Variants in RBFOX1 observed in about 807,000 individuals in gnomAD.
The protein encoded by RBFOX1 is RNA binding fox-1 homolog 1.
A neutral mutation model predicts 57.7 loss-of-function variants in RBFOX1; 8 were observed. That is an observed-to-expected ratio of 0.14 (90% CI 0.08 to 0.25). The LOEUF (loss-of-function observed/expected upper bound fraction) is 0.25, where lower values mean the gene tolerates loss of function less well. Among genes scored for constraint, RBFOX1 ranks in the 10% least tolerant of loss-of-function variants. The pLI is 1.00. For synonymous variants in RBFOX1, 326 were observed against 222.4 expected (o/e 1.47, Z -4.15); for missense variants, 611 against 548.5 (o/e 1.11, Z -1.14).
intron 9 of RBFOX1, among the ~76,000 whole-genome samples, chr16:7,600,529 C>T (rs1041496936): frequency 2.0e-5 from 3 of 152,118 alleles, no homozygotes; most frequent in African/African-American, 7.2e-5. Flanking sequence ...CCAATAAAGT[C>T]ACATTGAAAT....
At chr16:6,565,298 C>T (rs1555556984) in intron 2 of RBFOX1, among the ~76,000 whole-genome samples, 1 of 149,842 alleles carries the variant, frequency 6.7e-6, no homozygotes, top group Non-Finnish European at 1.5e-5. Context: ...ACTCTGTTGC[C>T]CAGGCTGGAG....
intron 1 of RBFOX1, among the ~76,000 whole-genome samples, chr16:5,454,898 CTTTCTTTCTTTCTTT>C (rs2068555633): frequency 1.5e-5 from 1 of 66,528 alleles, no homozygotes; most frequent in Non-Finnish European, 3.5e-5. Context: ...TTCTTTCTTT[CTTTCTTTCTTTCTTT>C]CCTTTGTTTC....
chr16:5,856,463 G>C (rs1555547776), intron 3 of RBFOX1, among the ~76,000 whole-genome samples: 1 of 136,878 alleles, frequency 7.3e-6, no homozygotes, highest in Non-Finnish European at 1.6e-5. Context: ...ATGCATTAAT[G>C]AGATCCTCAG....
At chr16:7,510,466 AGT>A (rs749168293) in intron 4 of RBFOX1, among the ~76,000 whole-genome samples, 1 of 146,996 alleles carries the variant, frequency 6.8e-6, no homozygotes. Context: ...TGGTGAAGAG[AGT>A]GTGTGTGTGT....
chr16:6,394,119 C>G (rs562573228), intron 2 of RBFOX1, among the ~76,000 whole-genome samples: 1 of 152,272 alleles, frequency 6.6e-6, no homozygotes, highest in South Asian at 2.1e-4. Flanking sequence ...CACTAGTGTT[C>G]CAAGCTTTGT....
intron 5 of RBFOX1, among the ~76,000 whole-genome samples, chr16:7,537,430 G>C (rs913129306): frequency 6.6e-6 from 1 of 152,220 alleles, no homozygotes; most frequent in South Asian, 2.1e-4. Context: ...GGCGTGGTCA[G>C]TTGATGTGAC....
chr16:6,598,513 A>G (rs1200115552), intron 2 of RBFOX1, among the ~76,000 whole-genome samples: 2 of 152,252 alleles, frequency 1.3e-5, no homozygotes. Flanking sequence ...ACCGATATAT[A>G]CAAAGATGAT....
chr16:7,059,945 A>T lies in RBFOX1; in HGVS notation c.27+7847A>T, dbSNP rs148623612. On this transcript the variant is annotated intron_variant, in intron 4 of 15. Transcript: ENST00000550418. ...TTTGGAAACATTGTATGAAAACACG[A>T]TTCAAAAATTATTTTGCTTAGCTGT... is the stretch of plus-strand genomic sequence containing the variant. 2.1e-3 allele frequency among the ~76,000 whole-genome samples: 323 copies of T among 152,326 alleles called. 4 individuals carry two copies. Among genetic ancestry groups the T allele is most frequent in the South Asian group, 0.011 (52 of 4,832 alleles).
intron 2 of RBFOX1, among the ~76,000 whole-genome samples, chr16:6,337,715 C>G (rs1211456092): frequency 6.6e-6 from 1 of 152,148 alleles, no homozygotes; most frequent in Non-Finnish European, 1.5e-5. Flanking sequence ...CAAAACACAT[C>G]TTTATAAGAC....
intron 4 of RBFOX1, among the ~76,000 whole-genome samples, chr16:7,135,459 A>G (rs1482950515): frequency 3.9e-5 from 6 of 152,350 alleles, no homozygotes; most frequent in Middle Eastern, 3.4e-3. Flanking sequence ...TTACCAAGCT[A>G]CAGCAAATTA....
At chr16:7,369,188 G>A (rs369808145) in intron 4 of RBFOX1, among the ~76,000 whole-genome samples, 1 of 152,014 alleles carries the variant, frequency 6.6e-6, no homozygotes, top group Non-Finnish European at 1.5e-5. Flanking sequence ...TTGACTCCAA[G>A]TCTTGCCACC....
At chr16:5,475,581 T>C (rs2069293087) in intron 2 of RBFOX1, among the ~76,000 whole-genome samples, 1 of 152,242 alleles carries the variant, frequency 6.6e-6, no homozygotes, top group Admixed American at 6.5e-5. Context: ...TAGTAATAGG[T>C]AATATTTATG....
At chr16:6,819,402 A>G (rs2090820844) in intron 3 of RBFOX1, among the ~76,000 whole-genome samples, 1 of 152,170 alleles carries the variant, frequency 6.6e-6, no homozygotes, top group South Asian at 2.1e-4. Flanking sequence ...TTTAAGTTGC[A>G]AAAGGTCATC....
intron 1 of RBFOX1, among the ~76,000 whole-genome samples, chr16:6,073,886 T>C (rs552688412): frequency 1.3e-5 from 2 of 151,864 alleles, no homozygotes; most frequent in Admixed American, 6.6e-5. Flanking sequence ...GGCCTGGAGG[T>C]GTTACACTAT....
rs547603247 is a variant in RBFOX1 at position 6,011,553 on chromosome 16, G to A, written c.351+144218G>A. On this transcript the variant is annotated intron_variant, in intron 4 of 19. Transcript: ENST00000641259. The stretch of plus-strand genomic sequence containing the variant: ...AAATGGGAATAGTACTACAACTGCC[G>A]TGTAGGCTTCTCTGTAGTTAAAGGT... Among the ~76,000 whole-genome samples, 10 of 152,238 alleles carry A rather than the reference G, an allele frequency of 6.6e-5. No homozygotes were observed. The South Asian group carries it at 1.2e-3, about 19-fold the overall frequency.
chr16:7,148,354 C>G (rs2075441906), intron 4 of RBFOX1, among the ~76,000 whole-genome samples: 1 of 152,182 alleles, frequency 6.6e-6, no homozygotes, highest in African/African-American at 2.4e-5. Context: ...AGCATCTATA[C>G]AGGCCATTAT....
At chr16:6,578,808 T>G (rs1030060218) in intron 2 of RBFOX1, among the ~76,000 whole-genome samples, 1 of 152,156 alleles carries the variant, frequency 6.6e-6, no homozygotes, top group Non-Finnish European at 1.5e-5. Flanking sequence ...TAGATTTTTT[T>G]AAGTATATTT....
chr16:5,999,552 G>C (rs2060550851), intron 4 of RBFOX1, among the ~76,000 whole-genome samples: 2 of 152,220 alleles, frequency 1.3e-5, no homozygotes, highest in Non-Finnish European at 2.9e-5. Context: ...AGTGAAGGAA[G>C]AAGGGTTGGC....
intron 2 of RBFOX1, among the ~76,000 whole-genome samples, chr16:5,588,119 G>C (rs2046892727): frequency 6.6e-6 from 1 of 152,174 alleles, no homozygotes; most frequent in Non-Finnish European, 1.5e-5. Context: ...AAAGACCATA[G>C]ATTGTGTGAA....
Sources: allele counts gnomAD v4.1 joint callset (sites outside exome capture counted in the v4.1 genomes callset), GRCh38; gene constraint gnomAD v4.1.1; transcripts MANE v1.5; gene names NCBI Gene and HGNC (gene_info 2026-07-23, HGNC 2026-07-21).